The following IGFBPL1 variants were observed in gnomAD, a reference collection of about 807,000 sequenced individuals.
IGFBPL1 encodes the protein insulin-like growth factor-binding protein-like 1.
In IGFBPL1, 20 loss-of-function variants were observed where a neutral mutation model predicts 23.9. That is an observed-to-expected ratio of 0.84 (90% confidence interval 0.59 to 1.22). IGFBPL1 has a LOEUF of 1.22. Among genes scored for constraint, IGFBPL1 ranks in the 50% most tolerant of loss-of-function variants. The pLI, the probability that IGFBPL1 is intolerant of heterozygous loss-of-function variation, is 0.00. For synonymous variants in IGFBPL1, 184 were observed against 171.8 expected (o/e 1.07, Z -0.56); for missense variants, 436 against 379.3 (o/e 1.15, Z -1.24).
chr9:38,419,817 C>T lies in IGFBPL1; in HGVS notation c.460+4148G>A, dbSNP rs146647775. Among the ~76,000 whole-genome samples the T allele has an allele frequency of 4.2e-4, 64 of 152,214 alleles. No homozygotes were observed. The East Asian group carries it at 9.1e-3, about 22-fold the overall frequency. The stretch of plus-strand genomic sequence containing the variant: ...AAGACCCACGTATGAATAATTCTTA[C>T]TGTTGGAAATTGCTTTTGCATCCTT... On this transcript the variant is annotated intron_variant, in intron 1 of 4. Transcript: ENST00000377694.
intron 1 of IGFBPL1, among the ~76,000 whole-genome samples, chr9:38,415,958 G>A (rs771676932): frequency 7.9e-5 from 12 of 152,122 alleles, no homozygotes; most frequent in Non-Finnish European, 1.6e-4. Flanking sequence ...CAACCCATGT[G>A]CCTGAATGTA....
rs533192544 is a variant in IGFBPL1, at chr9:38,409,037, A to C, written c.*190T>G. On this transcript the variant is annotated 3_prime_UTR_variant, in exon 5 of 5. Transcript: ENST00000377694. ...CAAAAGTATAAAAAAGCCACATGCA[A>C]ATCCGTTTCTCACTGTTTGCCCTGC... 1 of 152,332 alleles carries C rather than the reference A, an allele frequency of 6.6e-6. No individual in the cohort carries two copies. Among genetic ancestry groups the C allele is most frequent in the South Asian group, 2.1e-4 (1 of 4,824 alleles). 9.4% of individuals were successfully genotyped at this position (152,332 alleles called of 1,614,324 possible).
chr9:38,411,466 T>C lies in IGFBPL1; in HGVS notation c.771A>G (p.Thr257=), dbSNP rs770785710. 1 of 1,614,164 alleles carries C rather than the reference T, an allele frequency of 6.2e-7. No individual in the cohort carries two copies. The highest frequency in any genetic ancestry group is 1.3e-5 in the African/African-American group (1 of 75,060). The change falls in exon 4 of 5, where the codon ACA becomes ACG. Residue 257 remains threonine (T), a synonymous_variant. Transcript: ENST00000377694. ...NMVGEAESHS[T]VTVLDLSKYR... ...ATTTACTCAGATCTAGAACCGTCAC[T>C]GTGCTGTGGGACTCAGCCTCTCCCA...
At chr9:38,421,284 CAAAAAAAA>C (rs35342818) in intron 1 of IGFBPL1, among the ~76,000 whole-genome samples, 3 of 91,554 alleles carry the variant, frequency 3.3e-5, no homozygotes, top group Non-Finnish European at 6.2e-5. Flanking sequence ...GACCCTGTCT[CAAAAAAAA>C]AAAAAAAAAA....
intron 1 of IGFBPL1, among the ~76,000 whole-genome samples, chr9:38,416,550 G>T (rs1821601470): frequency 6.6e-6 from 1 of 151,940 alleles, no homozygotes; most frequent in South Asian, 2.1e-4. Context: ...GTTCCTTCTG[G>T]TGTGCAGTTC....
rs149499241 is a variant in IGFBPL1 at position 38,413,277 on chromosome 9, C to G, written c.647G>C (p.Arg216Pro). ...GGCCTCATGGTCAGAAGGGCCCCCT[C>G]GCACTTGGACAGCTATATTGACATG... ...GDHVNIAVQVRGGPSDHEATA... is the reference protein window; with the variant it reads ...GDHVNIAVQVPGGPSDHEATA... Residue 216 changes from arginine to proline, a missense_variant, in exon 3 of 5, where the codon CGA (arginine) becomes CCA (proline). Coordinates refer to ENST00000377694, the MANE Select transcript of IGFBPL1 (RefSeq NM_001007563.3). 1.2e-6 allele frequency: 2 copies of G among 1,614,024 alleles called. No individual in the cohort carries two copies. The highest frequency in any genetic ancestry group is 2.2e-5 in the East Asian group (1 of 44,880).
Position 38,413,315 on chromosome 9 carries a change from C to T in IGFBPL1, c.609G>A (p.Glu203=), listed in dbSNP as rs1821542749. ...CTATATTGACATGGTCCCCAGGCAG[C>T]TCCTCCAGTGCTTGGGTGCCCTCAG... ...KSPEGTQALE[E]LPGDHVNIAV... The change falls in exon 3 of 5, where the codon GAG becomes GAA. Residue 203 remains glutamate (E), a synonymous_variant. Transcript: ENST00000377694. 3 of 1,613,950 alleles carry T rather than the reference C, an allele frequency of 1.9e-6. No individual in the cohort carries two copies. The highest frequency in any genetic ancestry group is 2.5e-6 in the Non-Finnish European group (3 of 1,179,894).
Position 38,411,319 on chromosome 9 carries a change from C to A in IGFBPL1, c.*9+72G>T. On this transcript the variant is annotated intron_variant, in intron 4 of 4. Coordinates refer to ENST00000377694, the MANE Select transcript of IGFBPL1 (RefSeq NM_001007563.3). ...TTACGTATTTTTCTTCTTTTTTTTA[C>A]AGGTCTTATAAGCCACCTCAAATAT... is the stretch of plus-strand genomic sequence containing the variant. 6 of 1,317,566 alleles carry A rather than the reference C, an allele frequency of 4.6e-6. No individual in the cohort carries two copies. The East Asian group carries it at 7.1e-5, about 16-fold the overall frequency. 81.6% of individuals were successfully genotyped at this position (1,317,566 alleles called of 1,614,324 possible).
chr9:38,414,067 G>C, intron 2 of IGFBPL1, 27 bp downstream of exon 2: 1 of 1,065,898 alleles, frequency 9.4e-7, no homozygotes, highest in Non-Finnish European at 1.4e-6. Flanking sequence ...ACACACACGA[G>C]ATGCATGAGT....
At position 38,411,393 on chromosome 9, in the gene IGFBPL1, T is replaced by C. The variant is rs764643869; in HGVS notation, c.*7A>G. 6.2e-7 allele frequency: 1 copy of C among 1,611,786 alleles called. No homozygotes were observed. The highest frequency in any genetic ancestry group is 1.7e-5 in the Admixed American group (1 of 59,800). ...TGAAAATGACTTAGAACATGTACAT[T>C]TCTCCATCACATGCGGTCATCGGGA... On this transcript the variant is annotated splice_region_variant and 3_prime_UTR_variant, in exon 4 of 5. Coordinates refer to ENST00000377694, the MANE Select transcript of IGFBPL1 (RefSeq NM_001007563.3).
In IGFBPL1 at chr9:38,414,208, G is replaced by A. The variant is rs186425250; in HGVS notation, c.461-5C>T. On this transcript the variant is annotated splice_polypyrimidine_tract_variant and splice_region_variant and intron_variant, in intron 1 of 4. Coordinates refer to ENST00000377694, the MANE Select transcript of IGFBPL1 (RefSeq NM_001007563.3). ...GAGGAACGACGACCACAGGAGCTAG[G>A]AGGAGGAGACAAGGAGACGCAGCCT... The A allele has an allele frequency of 5.3e-4, 830 of 1,577,014 alleles. 1 individual carries two copies. In the African/African-American group the frequency reaches 8.0e-3, roughly 15 times the overall value.
In IGFBPL1 at chr9:38,424,275, C is replaced by T; in HGVS notation, c.150G>A (p.Ala50=). 1 of 1,239,442 alleles carries T rather than the reference C, an allele frequency of 8.1e-7. No individual in the cohort carries two copies. The highest frequency in any genetic ancestry group is 2.8e-5 in the South Asian group (1 of 35,948). 76.8% of individuals were successfully genotyped at this position (1,239,442 alleles called of 1,614,324 possible). A position where few individuals can be genotyped will look rare whatever the true frequency, so the allele number is the denominator to read the frequency against. The change falls in exon 1 of 5, where the codon GCG becomes GCA. Residue 50 remains alanine, a synonymous_variant. Coordinates refer to ENST00000377694, the MANE Select transcript of IGFBPL1 (RefSeq NM_001007563.3). ...PCRPEGCPAP[A]PCPAPGISAL... is the part of the protein sequence containing the mutation. ...CCGAGATCCCGGGCGCCGGGCAGGGCGCAGGCGCCGGGCAGCCCTCTGGCC... is the reference window on the plus strand; with the variant it reads ...CCGAGATCCCGGGCGCCGGGCAGGGTGCAGGCGCCGGGCAGCCCTCTGGCC...
chr9:38,424,132 G>T lies in IGFBPL1; in HGVS notation c.293C>A (p.Ala98Glu), dbSNP rs745435834. ...GLVCASQAAG[A>E]APEGTGLCVC... ...GCAGAGCCCGGTGCCCTCGGGCGCT[G>T]CCCCAGCGGCCTGGCTCGCGCATAC... The change falls in exon 1 of 5, where the codon GCA becomes GAA. Residue 98 changes from alanine (A) to glutamate (E), a missense_variant. Transcript: ENST00000377694. The T allele has an allele frequency of 1.4e-5, 17 of 1,250,634 alleles. No individual in the cohort carries two copies. The South Asian group carries it at 4.8e-4, about 36-fold the overall frequency. The allele number at this position is 1,250,634 out of a possible 1,614,324, so 77.5% of individuals were successfully genotyped here.
intron 4 of IGFBPL1, among the ~76,000 whole-genome samples, chr9:38,409,474 GT>G (rs1821480709): frequency 6.6e-6 from 1 of 152,198 alleles, no homozygotes; most frequent in East Asian, 1.9e-4. Flanking sequence ...ATGGCTCTCA[GT>G]GGTAGTGAGC....
intron 1 of IGFBPL1, among the ~76,000 whole-genome samples, chr9:38,422,791 C>T (rs1166661781): frequency 7.9e-5 from 12 of 152,194 alleles, no homozygotes; most frequent in Admixed American, 7.2e-4. Flanking sequence ...CTCCAACAAC[C>T]CATTGCGTCT....
At position 38,408,815 on chromosome 9, in the gene IGFBPL1, C is replaced by T. The variant is rs1821469914; in HGVS notation, c.*412G>A. ...TTCAGGTCACACAGCAAGTTACAGT[C>T]AGGCAGAGGACAGCTGGGACCCTCA... On this transcript the variant is annotated 3_prime_UTR_variant, in exon 5 of 5. Coordinates refer to ENST00000377694, the MANE Select transcript of IGFBPL1 (RefSeq NM_001007563.3). Among the ~76,000 whole-genome samples the T allele has an allele frequency of 6.6e-6, 1 of 152,146 alleles. No individual in the cohort carries two copies. Among genetic ancestry groups the T allele is most frequent in the Non-Finnish European group, 1.5e-5 (1 of 68,028 alleles).
In IGFBPL1 at chr9:38,424,426, G is replaced by C; in HGVS notation, c.-2C>G. The stretch of plus-strand genomic sequence containing the variant: ...CAAGAGCAGAGACAAGCGCGGCATG[G>C]CTTGCTCCGGGACAGCGGCGGCGCC... On this transcript the variant is annotated 5_prime_UTR_variant, in exon 1 of 5. Transcript: ENST00000377694. 3.4e-6 allele frequency: 2 copies of C among 580,488 alleles called. No individual in the cohort carries two copies. The highest frequency in any genetic ancestry group is 6.1e-6 in the Non-Finnish European group (2 of 325,324). 36.0% of individuals were successfully genotyped at this position (580,488 alleles called of 1,614,324 possible).
intron 1 of IGFBPL1, among the ~76,000 whole-genome samples, chr9:38,415,661 T>A (rs1821590789): frequency 6.6e-6 from 1 of 152,222 alleles, no homozygotes; most frequent in African/African-American, 2.4e-5. Context: ...TCCATTTGCA[T>A]GCCTTCAGGG....
Position 38,413,297 on chromosome 9 carries a change from G to C in IGFBPL1, c.627C>G (p.Val209=). ...CCCCTCGCACTTGGACAGCTATATT[G>C]ACATGGTCCCCAGGCAGCTCCTCCA... is the stretch of plus-strand genomic sequence containing the variant. ...QALEELPGDH[V]NIAVQVRGGP... is the part of the protein sequence containing the mutation. The change falls in exon 3 of 5, where the codon GTC becomes GTG. Residue 209 remains valine (V), a synonymous_variant. Coordinates refer to ENST00000377694, the MANE Select transcript of IGFBPL1 (RefSeq NM_001007563.3). 1.2e-6 allele frequency: 2 copies of C among 1,614,102 alleles called. No homozygotes were observed. Among genetic ancestry groups the C allele is most frequent in the Non-Finnish European group, 1.7e-6 (2 of 1,180,004 alleles).
Sources: gnomAD v4.1 joint callset for allele counts (sites outside exome capture counted in the v4.1 genomes callset) on GRCh38, gnomAD v4.1.1 for gene constraint, MANE v1.5 for transcripts, NCBI Gene and HGNC (gene_info 2026-07-23, HGNC 2026-07-21) for gene names.